Variants in MAGI2 observed in about 807,000 individuals in gnomAD.
MAGI2 encodes the protein membrane associated guanylate kinase, WW and PDZ domain containing 2.
MAGI2 carries 35 observed loss-of-function variants against 133.3 expected under a neutral mutation model. The ratio of observed to expected loss-of-function variants is 0.26; its 90% CI spans 0.20 to 0.35. MAGI2 has a LOEUF of 0.35. MAGI2 is among the 10% of genes least tolerant of loss of function. MAGI2 has a pLI of 1.00. For missense variants in MAGI2, 1,636 were observed against 1,863.4 expected (o/e 0.88, Z 2.25); for synonymous variants, 729 against 710.6 (o/e 1.03, Z -0.41).
At chr7:78,853,957 T>TTCTC (rs10666435) in intron 2 of MAGI2, among the ~76,000 whole-genome samples, 117 of 148,570 alleles carry the variant, frequency 7.9e-4, no homozygotes, top group Middle Eastern at 3.4e-3. Flanking sequence ...GTTGATATGT[T>TTCTC]TCTCTCTCTC....
intron 20 of MAGI2, among the ~76,000 whole-genome samples, chr7:78,123,572 G>C (rs1201942922): frequency 6.6e-6 from 1 of 152,212 alleles, no homozygotes; most frequent in African/African-American, 2.4e-5. Flanking sequence ...TGATAATCGA[G>C]AGGGCTGCTG....
intron 1 of MAGI2, among the ~76,000 whole-genome samples, chr7:79,379,414 G>A (rs1843630333): frequency 6.6e-6 from 1 of 151,778 alleles, no homozygotes; most frequent in Non-Finnish European, 1.5e-5. Context: ...TAGTGCCACA[G>A]TAAACATACG....
chr7:78,869,430 T>A (rs1794847006), intron 2 of MAGI2, among the ~76,000 whole-genome samples: 1 of 152,216 alleles, frequency 6.6e-6, no homozygotes, highest in Non-Finnish European at 1.5e-5. Context: ...CTAGTTTCAT[T>A]CTTCTGCATG....
intron 1 of MAGI2, among the ~76,000 whole-genome samples, chr7:79,394,622 T>C (rs1289752382): frequency 6.6e-6 from 1 of 152,224 alleles, no homozygotes; most frequent in Non-Finnish European, 1.5e-5. Flanking sequence ...GAATGTCTCA[T>C]ATATGCAGCC....
intron 21 of MAGI2, among the ~76,000 whole-genome samples, chr7:78,057,502 A>AT: frequency 6.6e-6 from 1 of 152,208 alleles, no homozygotes; most frequent in African/African-American, 2.4e-5. Flanking sequence ...AAGTTCTGGG[A>AT]TTACAGGCGT....
chr7:78,387,760 C>G (rs1015035095), intron 6 of MAGI2, among the ~76,000 whole-genome samples: 2 of 151,992 alleles, frequency 1.3e-5, no homozygotes, highest in African/African-American at 2.4e-5. Context: ...AACCCCATCT[C>G]TATAAAAAAT....
chr7:79,433,823 T>C (rs1847951981), intron 1 of MAGI2, among the ~76,000 whole-genome samples: 1 of 152,156 alleles, frequency 6.6e-6, no homozygotes, highest in African/African-American at 2.4e-5. Context: ...AGTCAACTGA[T>C]TTGTCTACCA....
At chr7:78,109,165 G>A (rs1420504980) in intron 20 of MAGI2, among the ~76,000 whole-genome samples, 11 of 151,032 alleles carry the variant, frequency 7.3e-5, no homozygotes, top group Middle Eastern at 3.4e-3. Flanking sequence ...TTAGCTGGGC[G>A]TGGTGGCGGG....
In MAGI2 at chr7:78,392,675, C is replaced by T. The variant is rs553484494; in HGVS notation, c.1046-23462G>A. ...TGAGAATAAATTTATATTTATTTCG[C>T]TCCTGTTGCTTAGGCTAGAGTACAA... is the stretch of plus-strand genomic sequence containing the variant. On this transcript the variant is annotated intron_variant, in intron 6 of 21. Coordinates refer to ENST00000354212, the MANE Select transcript of MAGI2 (RefSeq NM_012301.4). Among the ~76,000 whole-genome samples, 101 of 152,248 alleles carry T rather than the reference C, an allele frequency of 6.6e-4. 1 individual carries two copies. Among genetic ancestry groups the T allele is most frequent in the African/African-American group, 2.3e-3 (95 of 41,542 alleles).
intron 10 of MAGI2, among the ~76,000 whole-genome samples, chr7:78,221,902 T>C (rs546283887): frequency 2.2e-4 from 33 of 151,842 alleles, no homozygotes; most frequent in Non-Finnish European, 1.0e-4. Flanking sequence ...ATAAGAACAT[T>C]AGCTGGGCAT....
chr7:79,321,306 AAAAG>A (rs1839162404), intron 1 of MAGI2, among the ~76,000 whole-genome samples: 1 of 152,210 alleles, frequency 6.6e-6, no homozygotes, highest in Admixed American at 6.5e-5. Context: ...GAAAATTACA[AAAAG>A]AAATGTGACC....
intron 3 of MAGI2, chr7:78,567,943 A>G (rs868466293): frequency 6.6e-6 from 1 of 152,128 alleles, no homozygotes; most frequent in Non-Finnish European, 1.5e-5. Flanking sequence ...CTCTTGTCCT[A>G]TTTACCAAGA....
intron 20 of MAGI2, among the ~76,000 whole-genome samples, chr7:78,100,496 A>C (rs540951054): frequency 1.9e-4 from 29 of 152,188 alleles, no homozygotes; most frequent in African/African-American, 6.7e-4. Flanking sequence ...GACCACAGGC[A>C]CATGCCACTG....
At chr7:79,251,547 T>G (rs1003168663) in intron 1 of MAGI2, among the ~76,000 whole-genome samples, 1 of 152,132 alleles carries the variant, frequency 6.6e-6, no homozygotes, top group Admixed American at 6.5e-5. Flanking sequence ...AGATATTATC[T>G]TGGTTAAAAA....
chr7:79,072,530 T>C lies in MAGI2; in HGVS notation c.302-65324A>G, dbSNP rs113373559. 5.2e-3 allele frequency among the ~76,000 whole-genome samples: 787 copies of C among 152,308 alleles called. 10 individuals carry two copies. Among genetic ancestry groups the C allele is most frequent in the African/African-American group, 0.018 (738 of 41,558 alleles). On this transcript the variant is annotated intron_variant, in intron 1 of 21. Transcript: ENST00000354212. ...TTCTGGTAGGAAGACTACTATGTGG[T>C]TGATGTATGAGAAAGGTAAATCATA...
chr7:78,198,082 G>A (rs908442242), intron 11 of MAGI2, among the ~76,000 whole-genome samples: 4 of 152,172 alleles, frequency 2.6e-5, no homozygotes, highest in African/African-American at 9.7e-5. Flanking sequence ...AGGTCGATGG[G>A]CCTCACTTGC....
At chr7:79,025,276 T>A (rs964414642) in intron 1 of MAGI2, among the ~76,000 whole-genome samples, 3 of 152,138 alleles carry the variant, frequency 2.0e-5, no homozygotes, top group African/African-American at 7.2e-5. Flanking sequence ...CTGCATTTTC[T>A]CATGTATAAG....
chr7:78,268,491 C>T (rs1268771211), intron 9 of MAGI2, among the ~76,000 whole-genome samples: 7 of 151,958 alleles, frequency 4.6e-5, no homozygotes, highest in African/African-American at 1.2e-4. Context: ...CTTGAAGTAG[C>T]GTGATGAAGA....
chr7:79,252,069 A>G (rs1250930602), intron 1 of MAGI2, among the ~76,000 whole-genome samples: 1 of 139,450 alleles, frequency 7.2e-6, no homozygotes, highest in Non-Finnish European at 1.5e-5. Flanking sequence ...AGATGGGAGG[A>G]TTGCTTGAGC....
Sources: gnomAD v4.1 joint callset for allele counts (sites outside exome capture counted in the v4.1 genomes callset) on GRCh38, gnomAD v4.1.1 for gene constraint, MANE v1.5 for transcripts, NCBI Gene and HGNC (gene_info 2026-07-23, HGNC 2026-07-21) for gene names.